Variants in CWF19L2 observed in about 807,000 individuals in gnomAD.
CWF19L2 encodes CWF19 like cell cycle control factor 2, also known as CWF19-like protein 2.
Under a neutral mutation model 111.7 loss-of-function variants are expected in CWF19L2, and 98 were observed. That is an observed-to-expected ratio of 0.88 (90% CI 0.75 to 1.04). The LOEUF (loss-of-function observed/expected upper bound fraction) is 1.04. CWF19L2 is among the 50% of genes least tolerant of loss of function. CWF19L2 has a pLI of 0.00. For synonymous variants in CWF19L2, 351 were observed against 342.9 expected, an observed-to-expected ratio of 1.02 and a Z score of -0.26; for missense variants, 1,101 against 1,051.4, an observed-to-expected ratio of 1.05 and a Z score of -0.65.
At chr11:107,451,466 T>G (rs1449763540) in intron 3 of CWF19L2, among the ~76,000 whole-genome samples, 1 of 150,650 alleles carries the variant, frequency 6.6e-6, no homozygotes, top group Non-Finnish European at 1.5e-5. Context: ...ATCAATGAAA[T>G]AGAAAACACA....
chr11:107,329,408 G>A (rs994077075), intron 17 of CWF19L2, among the ~76,000 whole-genome samples: 17 of 152,124 alleles, frequency 1.1e-4, no homozygotes, highest in Admixed American at 2.0e-4. Flanking sequence ...TATAAATGAA[G>A]ATGAGAAAAT....
intron 3 of CWF19L2, among the ~76,000 whole-genome samples, chr11:107,447,625 A>G (rs990537282): frequency 6.6e-6 from 1 of 152,240 alleles, no homozygotes; most frequent in Non-Finnish European, 1.5e-5. Context: ...AACAAAACTT[A>G]AAAACAATCC....
intron 12 of CWF19L2, among the ~76,000 whole-genome samples, chr11:107,380,046 CAAAAAAAA>C (rs66699460): frequency 0.023 from 801 of 34,494 alleles, 7 homozygotes; most frequent in African/African-American, 0.076. Flanking sequence ...GACACCGTCT[CAAAAAAAA>C]AAAAAAAAAA....
chr11:107,344,920 G>C (rs117756731), intron 14 of CWF19L2, among the ~76,000 whole-genome samples: 1 of 152,042 alleles, frequency 6.6e-6, no homozygotes, highest in Non-Finnish European at 1.5e-5. Context: ...TTCCCAACTC[G>C]GCCTCTGTTG....
intron 10 of CWF19L2, chr11:107,403,411 C>T (rs1384307775): frequency 9.3e-6 from 7 of 748,762 alleles, no homozygotes; most frequent in Admixed American, 3.6e-5. Flanking sequence ...ATTCTTTTTT[C>T]TCATCTTCTG....
intron 6 of CWF19L2, among the ~76,000 whole-genome samples, chr11:107,437,084 T>A (rs1253955554): frequency 6.6e-6 from 1 of 152,132 alleles, no homozygotes; most frequent in African/African-American, 2.4e-5. Flanking sequence ...TGAAAATATG[T>A]CCCTTCAATC....
At chr11:107,429,570 G>A in intron 7 of CWF19L2, 119 bp from the exon 8 acceptor site, 2 of 682,166 alleles carry the variant, frequency 2.9e-6, no homozygotes, top group Non-Finnish European at 4.8e-6. Flanking sequence ...CACTAACGGG[G>A]TGAAAGAAGA....
At chr11:107,395,873 T>A (rs596812) in intron 10 of CWF19L2, among the ~76,000 whole-genome samples, 56 of 152,340 alleles carry the variant, frequency 3.7e-4, no homozygotes, top group African/African-American at 1.3e-3. Flanking sequence ...AGCTATACAC[T>A]ACTGGTACCT....
chr11:107,378,873 T>C (rs1191926443), intron 12 of CWF19L2, among the ~76,000 whole-genome samples: 4 of 151,616 alleles, frequency 2.6e-5, no homozygotes, highest in Non-Finnish European at 5.9e-5. Flanking sequence ...GCATCGATAG[T>C]GTGATGGCAA....
At chr11:107,387,029 G>C (rs2134590463) in intron 12 of CWF19L2, among the ~76,000 whole-genome samples, 1 of 151,564 alleles carries the variant, frequency 6.6e-6, no homozygotes, top group Non-Finnish European at 1.5e-5. Context: ...ACTCCAGCCT[G>C]GTGACAGAGC....
At chr11:107,433,773 G>T in intron 6 of CWF19L2, 24 bp from the exon 7 acceptor site, 2 of 1,175,380 alleles carry the variant, frequency 1.7e-6, no homozygotes, top group Non-Finnish European at 2.4e-6. Context: ...TTAAATATTA[G>T]TTATACTTTT....
chr11:107,330,059 A>T (rs1217531381), intron 16 of CWF19L2, 40 bp from the exon 17 acceptor site: 1 of 1,291,156 alleles, frequency 7.7e-7, no homozygotes, highest in Admixed American at 2.6e-5. Context: ...TACAGTATGA[A>T]ACCAGAAAGT....
At chr11:107,414,426 T>C (rs1861198213) in intron 10 of CWF19L2, among the ~76,000 whole-genome samples, 2 of 152,150 alleles carry the variant, frequency 1.3e-5, no homozygotes, top group Admixed American at 6.5e-5. Flanking sequence ...TCTAACTACA[T>C]TTATGCCTGT....
chr11:107,329,567 T>C (rs1859812362), intron 17 of CWF19L2, among the ~76,000 whole-genome samples: 1 of 152,174 alleles, frequency 6.6e-6, no homozygotes, highest in Admixed American at 6.5e-5. Context: ...ATAGGATTAT[T>C]GTGAGCATTA....
At chr11:107,389,888 T>C (rs1381854416) in intron 12 of CWF19L2, among the ~76,000 whole-genome samples, 186 bp downstream of exon 12, 1 of 152,158 alleles carries the variant, frequency 6.6e-6, no homozygotes, top group Non-Finnish European at 1.5e-5. Flanking sequence ...ACAAACAACA[T>C]TTCAACTGTA....
At chr11:107,356,942 G>A (rs1475301059) in intron 12 of CWF19L2, among the ~76,000 whole-genome samples, 3 of 152,174 alleles carry the variant, frequency 2.0e-5, no homozygotes, top group Non-Finnish European at 4.4e-5. Flanking sequence ...GGAGGCTGAG[G>A]CAGGAGAATT....
chr11:107,393,019 T>C, intron 10 of CWF19L2, 124 bp from the exon 11 acceptor site: 1 of 599,686 alleles, frequency 1.7e-6, no homozygotes, highest in Non-Finnish European at 2.8e-6. Flanking sequence ...TTGCCTTAAA[T>C]CTCCTGGATT....
chr11:107,337,367 T>TTG (rs5794537), intron 14 of CWF19L2, among the ~76,000 whole-genome samples: 8,114 of 148,048 alleles, frequency 0.055, 264 homozygotes, highest in East Asian at 0.14. Flanking sequence ...GGTGTGTGTT[T>TTG]TGTGTGTGTG....
intron 10 of CWF19L2, among the ~76,000 whole-genome samples, chr11:107,395,891 CTG>C (rs770662227): frequency 1.3e-5 from 2 of 152,130 alleles, no homozygotes; most frequent in Non-Finnish European, 2.9e-5. Context: ...CCTATAGGAC[CTG>C]TCACAGTGTC....
Sources: allele counts gnomAD v4.1 joint callset (sites outside exome capture counted in the v4.1 genomes callset), GRCh38; gene constraint gnomAD v4.1.1; transcripts MANE v1.5; gene names NCBI Gene and HGNC (gene_info 2026-07-23, HGNC 2026-07-21).